Variants in MCF2L observed in about 807,000 individuals in gnomAD.
MCF2L encodes guanine nucleotide exchange factor DBS.
Under a neutral mutation model 153.4 loss-of-function variants are expected in MCF2L, and 97 were observed. That is an observed-to-expected ratio of 0.63 (90% CI 0.54 to 0.75). The LOEUF (loss-of-function observed/expected upper bound fraction) is 0.75. Among genes scored for constraint, MCF2L ranks in the 30% least tolerant of loss-of-function variants. The pLI, the probability that MCF2L is intolerant of heterozygous loss-of-function variation, is 0.00. For missense variants in MCF2L, 1,347 were observed against 1,495.2 expected (o/e 0.90, Z 1.64); for synonymous variants, 659 against 632.2 (o/e 1.04, Z -0.64).
At chr13:113,002,533 G>A (rs1399485943) in intron 1 of MCF2L, among the ~76,000 whole-genome samples, 1 of 152,224 alleles carries the variant, frequency 6.6e-6, no homozygotes, top group African/African-American at 2.4e-5. Context: ...CCAAGCCTGT[G>A]GACCCGGCTG....
At chr13:113,063,675 A>G (rs1274105278) in intron 5 of MCF2L, among the ~76,000 whole-genome samples, 1 of 152,100 alleles carries the variant, frequency 6.6e-6, no homozygotes, top group Non-Finnish European at 1.5e-5. Flanking sequence ...GTATCAGTCT[A>G]GAGTGGGGAC....
chr13:113,059,387 G>C (rs186953457), intron 4 of MCF2L, among the ~76,000 whole-genome samples: 176 of 152,352 alleles, frequency 1.2e-3, no homozygotes, highest in African/African-American at 4.0e-3. Flanking sequence ...GGACATCCTG[G>C]TGAGTCGGTC....
At chr13:113,080,457 G>A (rs894449473) in intron 15 of MCF2L, among the ~76,000 whole-genome samples, 3 of 152,316 alleles carry the variant, frequency 2.0e-5, no homozygotes, top group Middle Eastern at 3.4e-3. Flanking sequence ...CGAGTCCGGG[G>A]CCTCTGCGGG....
At chr13:112,910,779 T>C (rs2081222571) in intron 2 of MCF2L, among the ~76,000 whole-genome samples, 1 of 152,268 alleles carries the variant, frequency 6.6e-6, no homozygotes, top group African/African-American at 2.4e-5. Flanking sequence ...CTGACGCTAG[T>C]GGAGAGCTCT....
intron 2 of MCF2L, among the ~76,000 whole-genome samples, chr13:112,955,202 A>G (rs2081742557): frequency 2.0e-5 from 3 of 152,156 alleles, no homozygotes; most frequent in Admixed American, 1.3e-4. Flanking sequence ...CTGGGTCCCC[A>G]GCATGAAGTG....
chr13:112,906,553 T>TG (rs1399621908), intron 2 of MCF2L, among the ~76,000 whole-genome samples: 1 of 152,222 alleles, frequency 6.6e-6, no homozygotes, highest in Non-Finnish European at 1.5e-5. Flanking sequence ...CTCCTCTCCC[T>TG]GGCAGTGCTT....
At chr13:113,040,131 G>T (rs1032576301) in intron 3 of MCF2L, among the ~76,000 whole-genome samples, 1 of 152,170 alleles carries the variant, frequency 6.6e-6, no homozygotes, top group Admixed American at 6.5e-5. Context: ...CAGCAAAAAA[G>T]CACATATTGT....
rs1397434295 is a variant in MCF2L at position 113,074,869 on chromosome 13, G to C, written c.1117-129G>C. On this transcript the variant is annotated intron_variant, in intron 10 of 29. Transcript: ENST00000535094. The surrounding 1 kb of genome is among the most constrained non-coding windows in gnomAD (Gnocchi z 4.2). ...GCTTCGGGGATTAAGCAGCATCTCA[G>C]GCATCCGCAGCAGTAAACAAAGAAA... 2.2e-6 allele frequency: 2 copies of C among 897,268 alleles called. No homozygotes were observed. The highest frequency in any genetic ancestry group is 1.7e-5 in the African/African-American group (1 of 60,500). The allele number at this position is 897,268 out of a possible 1,614,324, so 55.6% of individuals were successfully genotyped here.
intron 2 of MCF2L, among the ~76,000 whole-genome samples, chr13:112,937,383 C>A (rs1298761428): frequency 1.3e-5 from 2 of 152,290 alleles, no homozygotes; most frequent in African/African-American, 4.8e-5. Context: ...TGGACGTTAT[C>A]TTCATTTCAG....
At chr13:113,049,469 TGACCTGACGTGGG>T (rs1441002063) in intron 4 of MCF2L, among the ~76,000 whole-genome samples, 3 of 152,188 alleles carry the variant, frequency 2.0e-5, no homozygotes, top group African/African-American at 7.2e-5. Context: ...ATGGTGCAGT[TGACCTGACGTGGG>T]GACACCAAGT....
chr13:113,044,899 T>G, intron 3 of MCF2L: 1 of 1,612,706 alleles, frequency 6.2e-7, no homozygotes, highest in Non-Finnish European at 8.5e-7. Context: ...GTATGCGCCA[T>G]AAGACTGTTT....
At position 113,066,084 on chromosome 13, in the gene MCF2L, C is replaced by T; in HGVS notation, c.795C>T (p.Val265=). 2.5e-6 allele frequency: 4 copies of T among 1,613,388 alleles called. 1 individual carries two copies. In the Middle Eastern group the frequency reaches 5.0e-4, roughly 200 times the overall value. Residue 265 remains valine (V), a synonymous_variant, in exon 8 of 30, where the codon GTC becomes GTT. Coordinates refer to ENST00000535094, the MANE Select transcript of MCF2L (RefSeq NM_001112732.3). ...LRLALKEGHS[V]LESLRELQAE... ...TGGCACTGAAAGAGGGGCACAGTGT[C>T]CTGGAGAGCCTCAGGGAGCTGCAGG...
intron 2 of MCF2L, among the ~76,000 whole-genome samples, chr13:112,940,329 G>A (rs2081562671): frequency 6.6e-6 from 1 of 152,256 alleles, no homozygotes; most frequent in African/African-American, 2.4e-5. Flanking sequence ...GAGACAGGGA[G>A]TTTCATGAAT....
intron 1 of MCF2L, among the ~76,000 whole-genome samples, chr13:113,002,464 G>A (rs893218233): frequency 2.0e-5 from 3 of 152,256 alleles, no homozygotes; most frequent in East Asian, 1.9e-4. Context: ...GGGGCCACCC[G>A]TGGTGCAAGG....
At chr13:113,095,609 G>A in intron 27 of MCF2L, 1 of 995,630 alleles carries the variant, frequency 1.0e-6, no homozygotes, top group Non-Finnish European at 1.2e-6. Flanking sequence ...CTTGCTCCAG[G>A]CCATCATGTG....
intron 1 of MCF2L, among the ~76,000 whole-genome samples, chr13:112,989,814 A>G (rs1385452211): frequency 2.6e-5 from 4 of 152,272 alleles, no homozygotes; most frequent in African/African-American, 7.2e-5. Context: ...CTCTTAAACC[A>G]GCAGTCCCCA....
chr13:113,027,129 A>G lies in MCF2L; in HGVS notation c.278+2371A>G, dbSNP rs1284365274. On this transcript the variant is annotated intron_variant, in intron 3 of 29. Coordinates refer to ENST00000535094, the MANE Select transcript of MCF2L (RefSeq NM_001112732.3). This position sits in a 1 kb window ranked among gnomAD's most constrained non-coding sequence, Gnocchi z 4.8. ...CAAAACACAGAGGAGATGTTTAACC[A>G]TCAGCGTGAAAGTGCAGCCGTGGCC... is the stretch of plus-strand genomic sequence containing the variant. 19 of 706,816 alleles carry G rather than the reference A, an allele frequency of 2.7e-5. No homozygotes were observed. Among genetic ancestry groups the G allele is most frequent in the Non-Finnish European group, 4.4e-5 (17 of 387,276 alleles). 43.8% of individuals were successfully genotyped at this position (706,816 alleles called of 1,614,324 possible).
At chr13:112,979,867 C>A in intron 1 of MCF2L, 1 of 973,480 alleles carries the variant, frequency 1.0e-6, no homozygotes, top group Non-Finnish European at 1.5e-6. Flanking sequence ...ACCACTTGAC[C>A]AGCAAAAACC....
chr13:112,951,956 A>C lies in MCF2L; in HGVS notation c.169+49585A>C, dbSNP rs574342016. Among the ~76,000 whole-genome samples, 70 of 152,348 alleles carry C rather than the reference A, an allele frequency of 4.6e-4. No individual in the cohort carries two copies. In the South Asian group the frequency reaches 8.1e-3, roughly 18 times the overall value. ...ACCGCATTACAAGGGCTTTACCAAT[A>C]TGTAGAATCACGTGAAGTGGGAAGA... On this transcript the variant is annotated intron_variant, in intron 2 of 29. Transcript: ENST00000375608. The surrounding 1 kb of genome is among the most constrained non-coding windows in gnomAD (Gnocchi z 4.8).
Sources: allele counts gnomAD v4.1 joint callset (sites outside exome capture counted in the v4.1 genomes callset), GRCh38; gene constraint gnomAD v4.1.1; non-coding constraint Gnocchi (gnomAD v3.1); transcripts MANE v1.5; gene names NCBI Gene and HGNC (gene_info 2026-07-23, HGNC 2026-07-21).